The following CAMSAP1 variants were observed in gnomAD, a reference collection of about 807,000 sequenced individuals.
CAMSAP1 encodes the protein calmodulin-regulated spectrin-associated protein 1.
A neutral mutation model predicts 143.5 loss-of-function variants in CAMSAP1; 58 were observed. The ratio of observed to expected loss-of-function variants is 0.40; its 90% CI spans 0.33 to 0.50. The LOEUF is 0.50. Ranked by LOEUF, CAMSAP1 falls within the 20% of genes least tolerant of loss-of-function variation. The pLI is 0.45. For synonymous variants in CAMSAP1, 945 were observed against 859.3 expected (o/e 1.10, Z -1.74); for missense variants, 1,969 against 2,115.7 (o/e 0.93, Z 1.36).
At chr9:135,864,089 A>G (rs1837289379) in intron 4 of CAMSAP1, among the ~76,000 whole-genome samples, 1 of 152,090 alleles carries the variant, frequency 6.6e-6, no homozygotes, top group Non-Finnish European at 1.5e-5. Flanking sequence ...ACTTCTCCTC[A>G]CTGACCTATT....
chr9:135,881,104 A>T (rs1376903416), intron 3 of CAMSAP1, among the ~76,000 whole-genome samples: 1 of 152,080 alleles, frequency 6.6e-6, no homozygotes, highest in East Asian at 1.9e-4. Context: ...GCACTTCAGG[A>T]GGTCAAGGAG....
At position 135,821,059 on chromosome 9, in the gene CAMSAP1, A is replaced by T. The variant is rs1835433008; in HGVS notation, c.3602T>A (p.Leu1201Gln). The T allele has an allele frequency of 6.2e-7, 1 of 1,613,996 alleles. No homozygotes were observed. Among genetic ancestry groups the T allele is most frequent in the East Asian group, 2.2e-5 (1 of 44,890 alleles). Residue 1201 changes from leucine to glutamine, a missense_variant, in exon 11 of 17, where the codon CTG becomes CAG. Transcript: ENST00000389532. This position sits in a 1 kb window ranked among gnomAD's most constrained non-coding sequence, Gnocchi z 4.6. Reference sequence around the variant, plus strand: ...CCCCACCTCCTTCACACTCGCATCCAGAACTTCTTTGAGGCTCATCTGCTC... The same window carrying T: ...CCCCACCTCCTTCACACTCGCATCCTGAACTTCTTTGAGGCTCATCTGCTC... ...LSEQMSLKEV[L>Q]DASVKEVGSS...
intron 7 of CAMSAP1, among the ~76,000 whole-genome samples, chr9:135,848,799 T>TG (rs1836669155): frequency 6.6e-6 from 1 of 152,230 alleles, no homozygotes; most frequent in Non-Finnish European, 1.5e-5. Context: ...ATCCTTTCCC[T>TG]GTGTCCTGAT....
chr9:135,842,163 A>G (rs1248340487), intron 7 of CAMSAP1, among the ~76,000 whole-genome samples: 2 of 152,236 alleles, frequency 1.3e-5, no homozygotes, highest in African/African-American at 4.8e-5. Context: ...AAATGACTTG[A>G]CGGAGCTGAA....
intron 1 of CAMSAP1, among the ~76,000 whole-genome samples, chr9:135,906,069 T>C (rs1450867177): frequency 6.6e-6 from 1 of 152,248 alleles, no homozygotes; most frequent in Non-Finnish European, 1.5e-5. Flanking sequence ...ATTTAATCCC[T>C]AAAACTTACA....
At chr9:135,881,509 A>C in intron 3 of CAMSAP1, 124 bp downstream of exon 3, 1 of 1,148,672 alleles carries the variant, frequency 8.7e-7, no homozygotes, top group Non-Finnish European at 1.2e-6. Context: ...CTGGACACAA[A>C]ATATGACTGG....
At position 135,818,365 on chromosome 9, in the gene CAMSAP1, C is replaced by A; in HGVS notation, c.4168+43G>T. 1.3e-6 allele frequency: 2 copies of A among 1,515,862 alleles called. No homozygotes were observed. Among genetic ancestry groups the A allele is most frequent in the Non-Finnish European group, 1.8e-6 (2 of 1,132,068 alleles). The allele number at this position is 1,515,862 out of a possible 1,614,324, so 93.9% of individuals were successfully genotyped here. On this transcript the variant is annotated intron_variant, in intron 13 of 16. Transcript: ENST00000389532. The surrounding 1 kb of genome is among the most constrained non-coding windows in gnomAD (Gnocchi z 7.7). ...AGCTGAAGAACGTGAGGCCGCCGCC[C>A]GCGGAAGGAAGCGCTGCCCGCGTGA...
intron 3 of CAMSAP1, among the ~76,000 whole-genome samples, chr9:135,878,719 C>A (rs981256388): frequency 3.3e-5 from 5 of 152,148 alleles, no homozygotes; most frequent in Non-Finnish European, 7.4e-5. Flanking sequence ...TCGGGGAACT[C>A]GCACTTCCTA....
intron 1 of CAMSAP1, among the ~76,000 whole-genome samples, chr9:135,890,567 C>T (rs1838260989): frequency 1.3e-5 from 2 of 152,178 alleles, no homozygotes; most frequent in Admixed American, 6.5e-5. Flanking sequence ...CTACCACATA[C>T]TCTGGGTGGG....
intron 5 of CAMSAP1, 93 bp downstream of exon 5, chr9:135,862,374 T>TC (rs1491250390): frequency 6.0e-5 from 22 of 367,472 alleles, no homozygotes; most frequent in Non-Finnish European, 7.9e-5. Context: ...TTTCTTTCTC[T>TC]TTTTTTTTTT....
At chr9:135,831,266 G>A (rs1453142426) in intron 7 of CAMSAP1, among the ~76,000 whole-genome samples, 2 of 152,112 alleles carry the variant, frequency 1.3e-5, no homozygotes, top group East Asian at 3.9e-4. Flanking sequence ...GAAATCAAAA[G>A]GGAATTTTAA....
chr9:135,844,732 A>C (rs1836490667), intron 7 of CAMSAP1, among the ~76,000 whole-genome samples: 1 of 152,230 alleles, frequency 6.6e-6, no homozygotes, highest in Non-Finnish European at 1.5e-5. Flanking sequence ...AGAGAATACT[A>C]TAAACAACTC....
intron 3 of CAMSAP1, among the ~76,000 whole-genome samples, chr9:135,877,581 G>C (rs1837797179): frequency 6.6e-6 from 1 of 151,728 alleles, no homozygotes; most frequent in Non-Finnish European, 1.5e-5. Flanking sequence ...CAAGGCAGGA[G>C]AATTGCTTGA....
At chr9:135,839,950 A>C (rs1836277545) in intron 7 of CAMSAP1, among the ~76,000 whole-genome samples, 1 of 152,216 alleles carries the variant, frequency 6.6e-6, no homozygotes, top group Non-Finnish European at 1.5e-5. Context: ...ACAGACACAC[A>C]CATGAAGCAG....
At chr9:135,900,980 C>T (rs138424356) in intron 1 of CAMSAP1, among the ~76,000 whole-genome samples, 3 of 152,094 alleles carry the variant, frequency 2.0e-5, no homozygotes, top group Non-Finnish European at 4.4e-5. Context: ...TCTCAAACTC[C>T]CGACCTCAGG....
chr9:135,874,936 C>T (rs1837689468), intron 3 of CAMSAP1, among the ~76,000 whole-genome samples: 1 of 152,054 alleles, frequency 6.6e-6, no homozygotes, highest in South Asian at 2.1e-4. Context: ...ACAAAAGATA[C>T]AGAATAAAGT....
intron 1 of CAMSAP1, among the ~76,000 whole-genome samples, chr9:135,906,670 T>C (rs909053555): frequency 2.0e-5 from 3 of 151,772 alleles, no homozygotes; most frequent in East Asian, 1.9e-4. Flanking sequence ...CGCGTCCCCA[T>C]GGTCCCTCCC....
intron 7 of CAMSAP1, among the ~76,000 whole-genome samples, chr9:135,833,443 A>C (rs1435754876): frequency 6.6e-6 from 1 of 152,212 alleles, no homozygotes; most frequent in Non-Finnish European, 1.5e-5. Context: ...AAATTATACT[A>C]CAAAGCTATA....
chr9:135,893,272 AAAG>A, intron 1 of CAMSAP1, among the ~76,000 whole-genome samples: 1 of 147,410 alleles, frequency 6.8e-6, no homozygotes, highest in Non-Finnish European at 1.5e-5. Context: ...GAAAGAAAGA[AAAG>A]AAAAAAAGAA....
Sources: allele counts gnomAD v4.1 joint callset (sites outside exome capture counted in the v4.1 genomes callset), GRCh38; gene constraint gnomAD v4.1.1; non-coding constraint Gnocchi (gnomAD v3.1); transcripts MANE v1.5; gene names NCBI Gene and HGNC (gene_info 2026-07-23, HGNC 2026-07-21).